The following CELF2 variants were observed in gnomAD, a reference collection of about 807,000 sequenced individuals.
CELF2 encodes CUGBP Elav-like family member 2, also known as CUG triplet repeat RNA-binding protein 2.
Under a neutral mutation model 62.6 loss-of-function variants are expected in CELF2, and 8 were observed. That is an observed-to-expected ratio of 0.13 (90% CI 0.07 to 0.23). The LOEUF (loss-of-function observed/expected upper bound fraction) is 0.23. Among genes scored for constraint, CELF2 ranks in the 10% least tolerant of loss-of-function variants. CELF2 has a pLI of 1.00. For synonymous variants in CELF2, 258 were observed against 250.0 expected (o/e 1.03, Z -0.30); for missense variants, 333 against 671.0 (o/e 0.50, Z 5.56).
intron 2 of CELF2, among the ~76,000 whole-genome samples, chr10:10,988,814 C>T (rs2053116500): frequency 6.6e-6 from 1 of 152,080 alleles, no homozygotes; most frequent in South Asian, 2.1e-4. Context: ...CACAAACTGT[C>T]ATCATTCACG....
chr10:11,272,778 AC>A, intron 7 of CELF2, among the ~76,000 whole-genome samples: 1 of 152,268 alleles, frequency 6.6e-6, no homozygotes, highest in African/African-American at 2.4e-5. Flanking sequence ...ATAGATTCTG[AC>A]CCTGGCTCAC....
intron 2 of CELF2, among the ~76,000 whole-genome samples, chr10:10,959,945 G>T (rs2049306651): frequency 6.6e-6 from 1 of 152,202 alleles, no homozygotes; most frequent in African/African-American, 2.4e-5. Flanking sequence ...ACTGAAAAAA[G>T]ATTTGCATCA....
the CELF2 span, among the ~76,000 whole-genome samples, chr10:10,611,734 A>C: frequency 1.3e-5 from 2 of 152,176 alleles, no homozygotes; most frequent in African/African-American, 4.8e-5. Context: ...TCAAATACTC[A>C]CACACACCTC....
At chr10:11,206,239 C>T (rs1387282513) in intron 2 of CELF2, among the ~76,000 whole-genome samples, 1 of 152,140 alleles carries the variant, frequency 6.6e-6, no homozygotes, top group Non-Finnish European at 1.5e-5. Flanking sequence ...GAAGTGGAGA[C>T]TTGAGAGATC....
chr10:10,725,007 A>ACTT, the CELF2 span, among the ~76,000 whole-genome samples: 1 of 152,204 alleles, frequency 6.6e-6, no homozygotes, highest in South Asian at 2.1e-4. Flanking sequence ...TAGTATAACC[A>ACTT]CTTTTCAAAG....
rs1180190570 is a variant in CELF2, at chr10:11,269,230, A to AT, written c.619-1431dup. On this transcript the variant is annotated intron_variant, in intron 6 of 12. Transcript: ENST00000633077. This position sits in a 1 kb window ranked among gnomAD's most constrained non-coding sequence, Gnocchi z 4.4. Reference sequence around the variant, plus strand: ...GATTTTTTTAAATGATGGAAATACTATTTTTGTGCAATTTACTGACATTTA... The same window carrying AT: ...GATTTTTTTAAATGATGGAAATACTATTTTTTGTGCAATTTACTGACATTTA... 3.4e-4 allele frequency among the ~76,000 whole-genome samples: 51 copies of AT among 152,190 alleles called. No homozygotes were observed. The highest frequency in any genetic ancestry group is 6.8e-4 in the Non-Finnish European group (46 of 68,040).
intron 1 of CELF2, among the ~76,000 whole-genome samples, chr10:11,158,573 G>A (rs1354995363): frequency 6.6e-6 from 1 of 152,018 alleles, no homozygotes; most frequent in African/African-American, 2.4e-5. Flanking sequence ...CCCAGGGAGG[G>A]TTATTGTCTG....
chr10:11,103,558 T>G (rs2052492663), intron 1 of CELF2, among the ~76,000 whole-genome samples: 1 of 151,004 alleles, frequency 6.6e-6, no homozygotes, highest in African/African-American at 2.4e-5. Context: ...CTCAATGTTC[T>G]CATATGCAAA....
At chr10:10,571,583 T>G in the CELF2 span, among the ~76,000 whole-genome samples, 7 of 152,060 alleles carry the variant, frequency 4.6e-5, no homozygotes, top group East Asian at 1.4e-3. Flanking sequence ...GGGTTGTAAA[T>G]TGAGTTATAA....
the CELF2 span, among the ~76,000 whole-genome samples, chr10:10,598,148 C>T: frequency 1.3e-5 from 2 of 152,030 alleles, no homozygotes; most frequent in African/African-American, 2.4e-5. Flanking sequence ...GGACATAGAG[C>T]GCTTAGAAAA....
the CELF2 span, among the ~76,000 whole-genome samples, chr10:10,607,467 T>G: frequency 1.3e-5 from 2 of 152,184 alleles, no homozygotes; most frequent in Non-Finnish European, 2.9e-5. Flanking sequence ...CAAGTGTGTA[T>G]AGAAACCCAT....
At chr10:10,549,506 G>T in the CELF2 span, among the ~76,000 whole-genome samples, 2 of 152,178 alleles carry the variant, frequency 1.3e-5, no homozygotes, top group South Asian at 2.1e-4. Flanking sequence ...CTGGTCTCGA[G>T]CTCCTGACCT....
upstream of CELF2, chr10:10,794,741 A>T (rs1357012086): frequency 6.6e-6 from 1 of 152,168 alleles, no homozygotes; most frequent in East Asian, 1.9e-4. Flanking sequence ...TACTCGTGCC[A>T]CAAGGCCCAT....
chr10:11,301,328 A>T (rs1015379655), intron 9 of CELF2, among the ~76,000 whole-genome samples: 1 of 149,812 alleles, frequency 6.7e-6, no homozygotes, highest in Non-Finnish European at 1.5e-5. Context: ...TAAGAAGCCC[A>T]CTGGAGCCCC....
the CELF2 span, among the ~76,000 whole-genome samples, chr10:10,577,518 C>A: frequency 6.6e-6 from 1 of 151,116 alleles, no homozygotes; most frequent in Non-Finnish European, 1.5e-5. Context: ...CCTCACCCCA[C>A]CCCACAACAG....
the CELF2 span, among the ~76,000 whole-genome samples, chr10:10,539,925 T>C: frequency 6.6e-6 from 1 of 152,284 alleles, no homozygotes; most frequent in Admixed American, 6.5e-5. Flanking sequence ...TTCCCTTGGG[T>C]GCTCAGGGAA....
At position 11,325,719 on chromosome 10, in the gene CELF2, CTGTT is replaced by C. The variant is rs143552633; in HGVS notation, c.1295-108_1295-105del. On this transcript the variant is annotated intron_variant, in intron 11 of 12. Transcript: ENST00000633077. ...ACTCCAGCACTTGACATTTATCCAT[CTGTT>C]TGTTTGTTCAACTAAATGCTTAGCC... The C allele has an allele frequency of 6.3e-3, 5,299 of 841,738 alleles. 17 individuals are homozygous for C. Among genetic ancestry groups the C allele is most frequent in the Middle Eastern group, 0.01 (43 of 4,296 alleles). The allele number at this position is 841,738 out of a possible 1,614,324, so 52.1% of individuals were successfully genotyped here.
chr10:10,593,081 G>A, the CELF2 span, among the ~76,000 whole-genome samples: 4 of 152,272 alleles, frequency 2.6e-5, no homozygotes, highest in Non-Finnish European at 5.9e-5. Context: ...AAGCAAGCAA[G>A]CCAGATCCAC....
rs546523424 is a variant in CELF2, at chr10:11,012,342, A to G, written c.53+6902A>G. Among the ~76,000 whole-genome samples the G allele has an allele frequency of 5.9e-5, 9 of 152,300 alleles. 1 individual carries two copies. The South Asian group carries it at 1.9e-3, about 32-fold the overall frequency. ...AAGTAGATTCATTTGCTTTATTTTA[A>G]CAGAAACCAAAGCTTTGGCTCTCTT... On this transcript the variant is annotated intron_variant, in intron 1 of 12. Coordinates refer to the CELF2 transcript ENST00000416382. This position sits in a 1 kb window ranked among gnomAD's most constrained non-coding sequence, Gnocchi z 5.5.
Sources: allele counts gnomAD v4.1 joint callset (sites outside exome capture counted in the v4.1 genomes callset), GRCh38; gene constraint gnomAD v4.1.1; non-coding constraint Gnocchi (gnomAD v3.1); transcripts MANE v1.5; gene names NCBI Gene and HGNC (gene_info 2026-07-23, HGNC 2026-07-21).